Variants in HS6ST3 observed in about 807,000 individuals in gnomAD.
HS6ST3 encodes heparan sulfate 6-O-sulfotransferase 3.
HS6ST3 carries 12 observed loss-of-function variants against 36.7 expected under a neutral mutation model. The ratio of observed to expected loss-of-function variants is 0.33; its 90% CI spans 0.21 to 0.53. The LOEUF is 0.53. Ranked by LOEUF, HS6ST3 falls within the 20% of genes least tolerant of loss-of-function variation. The pLI, the probability that HS6ST3 is intolerant of heterozygous loss-of-function variation, is 0.95. For missense variants in HS6ST3, 584 were observed against 640.9 expected (o/e 0.91, Z 0.96); for synonymous variants, 240 against 257.5 (o/e 0.93, Z 0.65).
intron 1 of HS6ST3, among the ~76,000 whole-genome samples, chr13:96,560,316 C>G (rs2056257120): frequency 6.6e-6 from 1 of 152,132 alleles, no homozygotes. Flanking sequence ...GTCTTAGTAT[C>G]AAGCTTTTAG....
chr13:96,684,536 C>T (rs757913973), intron 1 of HS6ST3, among the ~76,000 whole-genome samples: 13 of 151,900 alleles, frequency 8.6e-5, no homozygotes, highest in South Asian at 4.2e-4. Context: ...TCTCTGTATG[C>T]GCATATTGGT....
chr13:96,571,815 C>T (rs768319709), intron 1 of HS6ST3, among the ~76,000 whole-genome samples: 18 of 152,132 alleles, frequency 1.2e-4, no homozygotes, highest in Admixed American at 9.2e-4. Context: ...TTTATGCCTA[C>T]CTCATAACAA....
intron 1 of HS6ST3, among the ~76,000 whole-genome samples, chr13:96,304,711 C>CTTTTTTT (rs61314597): frequency 4.5e-5 from 4 of 89,326 alleles, no homozygotes; most frequent in Non-Finnish European, 9.1e-5. Flanking sequence ...TTCTTTCTTT[C>CTTTTTTT]TTTTTTTTTT....
chr13:96,391,562 T>C (rs1186932531), intron 1 of HS6ST3, among the ~76,000 whole-genome samples: 2 of 152,156 alleles, frequency 1.3e-5, no homozygotes, highest in Non-Finnish European at 1.5e-5. Context: ...CCGATAGACA[T>C]ACCTGAGACT....
At chr13:96,494,763 C>A (rs1194225448) in intron 1 of HS6ST3, among the ~76,000 whole-genome samples, 1 of 152,048 alleles carries the variant, frequency 6.6e-6, no homozygotes, top group African/African-American at 2.4e-5. Context: ...GGTTCAACCC[C>A]ATTAGTGTGG....
intron 1 of HS6ST3, among the ~76,000 whole-genome samples, chr13:96,769,691 T>G (rs1238550640): frequency 6.6e-6 from 1 of 151,624 alleles, no homozygotes; most frequent in Non-Finnish European, 1.5e-5. Context: ...ATTACTCTTT[T>G]GGGGGACTTT....
At chr13:96,764,000 GCTTT>G (rs1457723458) in intron 1 of HS6ST3, among the ~76,000 whole-genome samples, 6 of 152,106 alleles carry the variant, frequency 3.9e-5, no homozygotes, top group African/African-American at 1.4e-4. Context: ...TACTACAATG[GCTTT>G]CTATTATACC....
chr13:96,467,718 A>T (rs539348254), intron 1 of HS6ST3, among the ~76,000 whole-genome samples: 1 of 152,350 alleles, frequency 6.6e-6, no homozygotes, highest in South Asian at 2.1e-4. Context: ...CCTAATCCTT[A>T]TAACAATTCT....
At position 96,741,332 on chromosome 13, in the gene HS6ST3, A is replaced by C. The variant is rs576128292; in HGVS notation, c.708-91158A>C. On this transcript the variant is annotated intron_variant, in intron 1 of 1. Coordinates refer to ENST00000376705, the MANE Select transcript of HS6ST3 (RefSeq NM_153456.4). ...TTCAAAAGAATCAGCTTCTTGGTACAACTTCATAGGATTAAATGTGTCAGA... is the reference window on the plus strand; with the variant it reads ...TTCAAAAGAATCAGCTTCTTGGTACCACTTCATAGGATTAAATGTGTCAGA... 3.9e-5 allele frequency among the ~76,000 whole-genome samples: 6 copies of C among 152,326 alleles called. No homozygotes were observed. The South Asian group carries it at 1.2e-3, about 32-fold the overall frequency.
chr13:96,592,642 A>G (rs531066952), intron 1 of HS6ST3, among the ~76,000 whole-genome samples: 4 of 152,076 alleles, frequency 2.6e-5, no homozygotes, highest in South Asian at 2.1e-4. Context: ...TTATTTATTT[A>G]TTTATTTGAT....
chr13:96,525,394 C>T (rs2056109599), intron 1 of HS6ST3, among the ~76,000 whole-genome samples: 1 of 152,142 alleles, frequency 6.6e-6, no homozygotes, highest in Non-Finnish European at 1.5e-5. Context: ...CCCTCCCCTC[C>T]CTTCCTAGTT....
At chr13:96,230,082 G>A (rs2054500534) in intron 1 of HS6ST3, among the ~76,000 whole-genome samples, 1 of 152,194 alleles carries the variant, frequency 6.6e-6, no homozygotes, top group Non-Finnish European at 1.5e-5. Context: ...GTCTAAAAGA[G>A]CATCAGAGCT....
intron 1 of HS6ST3, among the ~76,000 whole-genome samples, chr13:96,368,945 C>T (rs1339770973): frequency 6.6e-6 from 1 of 151,902 alleles, no homozygotes; most frequent in Non-Finnish European, 1.5e-5. Flanking sequence ...ATGTTTGTCC[C>T]CAGGAAACAT....
chr13:96,765,259 T>C (rs368511214), intron 1 of HS6ST3, among the ~76,000 whole-genome samples: 3 of 151,800 alleles, frequency 2.0e-5, no homozygotes, highest in Non-Finnish European at 4.4e-5. Flanking sequence ...TTTTTAGTAG[T>C]GACGGGGTTT....
chr13:96,635,162 C>A lies in HS6ST3; in HGVS notation c.708-197328C>A, dbSNP rs989091477. ...TTCAGTCTTGCACAAATAAATGTTA[C>A]TCCCTTTTATATGTTCCCAGTTTAA... On this transcript the variant is annotated intron_variant, in intron 1 of 1. Coordinates refer to ENST00000376705, the MANE Select transcript of HS6ST3 (RefSeq NM_153456.4). Among the ~76,000 whole-genome samples the A allele has an allele frequency of 4.6e-5, 7 of 152,106 alleles. No individual in the cohort carries two copies. The South Asian group carries it at 1.5e-3, about 32-fold the overall frequency.
chr13:96,799,768 A>G (rs1330352286), intron 1 of HS6ST3, among the ~76,000 whole-genome samples: 2 of 146,738 alleles, frequency 1.4e-5, no homozygotes, highest in African/African-American at 5.3e-5. Context: ...GTACCCTAAA[A>G]CTTAAAGTAT....
intron 1 of HS6ST3, among the ~76,000 whole-genome samples, chr13:96,448,716 G>T (rs1410201165): frequency 1.3e-5 from 2 of 151,872 alleles, no homozygotes; most frequent in Non-Finnish European, 2.9e-5. Context: ...GCCTCCCCTG[G>T]GGACCCCTCC....
intron 1 of HS6ST3, among the ~76,000 whole-genome samples, chr13:96,815,852 G>C (rs575756883): frequency 1.3e-5 from 2 of 152,258 alleles, no homozygotes; most frequent in African/African-American, 2.4e-5. Context: ...AACTTGACTA[G>C]ATATGCTGTG....
chr13:96,288,641 C>T lies in HS6ST3; in HGVS notation c.707+197072C>T, dbSNP rs188931252. On this transcript the variant is annotated intron_variant, in intron 1 of 1. Coordinates refer to ENST00000376705, the MANE Select transcript of HS6ST3 (RefSeq NM_153456.4). The stretch of plus-strand genomic sequence containing the variant: ...TGGAAATAAAAGGAAAATACTTCAG[C>T]GTGATAAAGACCATTTACTAATCAG... Among the ~76,000 whole-genome samples the T allele has an allele frequency of 1.1e-4, 17 of 152,090 alleles. 1 individual carries two copies. The highest frequency in any genetic ancestry group is 2.6e-4 in the African/African-American group (11 of 41,542).
Sources: allele counts gnomAD v4.1 joint callset (sites outside exome capture counted in the v4.1 genomes callset), GRCh38; gene constraint gnomAD v4.1.1; transcripts MANE v1.5; gene names NCBI Gene and HGNC (gene_info 2026-07-23, HGNC 2026-07-21).